GNB3: variants seen among roughly 807,000 people sequenced by gnomAD.
GNB3 encodes the protein G protein subunit beta 3, also known as guanine nucleotide-binding protein G(I)/G(S)/G(T) subunit beta-3.
Under a neutral mutation model 41.2 loss-of-function variants are expected in GNB3, and 33 were observed. The observed-to-expected ratio is 0.80, with a 90% CI of 0.61 to 1.07. The LOEUF (loss-of-function observed/expected upper bound fraction) is 1.07. Among genes scored for constraint, GNB3 ranks in the 50% least tolerant of loss-of-function variants. GNB3 has a pLI of 0.00. For synonymous variants in GNB3, 172 were observed against 173.4 expected, an observed-to-expected ratio of 0.99 and a Z score of 0.06; for missense variants, 409 against 455.3, an observed-to-expected ratio of 0.90 and a Z score of 0.92.
intron 8 of GNB3, chr12:6,844,693 T>G (rs1943648225): frequency 6.6e-6 from 1 of 152,238 alleles, no homozygotes; most frequent in South Asian, 2.1e-4. Context: ...AATATTGGGA[T>G]TACAGGCATG....
At chr12:6,844,877 G>A (rs1158297023) in intron 8 of GNB3, 8 of 152,082 alleles carry the variant, frequency 5.3e-5, no homozygotes, top group South Asian at 2.1e-4. Flanking sequence ...AGTACTTCCC[G>A]AAACAAAGCC....
Position 6,843,059 on chromosome 12 carries a change from C to T in GNB3, c.186C>T (p.His62=). 6.3e-7 allele frequency: 1 copy of T among 1,598,814 alleles called. No individual in the cohort carries two copies. Among genetic ancestry groups the T allele is most frequent in the South Asian group, 1.1e-5 (1 of 90,072 alleles). Residue 62 remains histidine, a synonymous_variant, in exon 4 of 10, where the codon CAC becomes CAT. Transcript: ENST00000229264. This position sits in a 1 kb window ranked among gnomAD's most constrained non-coding sequence, Gnocchi z 5.9. ...RGHLAKIYAM[H]WATDSKLLVS... Reference sequence around the variant, plus strand: ...ACCTGGCCAAGATTTACGCCATGCACTGGGCCACTGATTCTAAGTGAGGCT... The same window carrying T: ...ACCTGGCCAAGATTTACGCCATGCATTGGGCCACTGATTCTAAGTGAGGCT...
In GNB3 at chr12:6,841,320, GGAGCAGC is replaced by G; in HGVS notation, c.34_40del (p.Glu12SerfsTer24). The G allele has an allele frequency of 6.2e-7, 1 of 1,613,584 alleles. No individual in the cohort carries two copies. The highest frequency in any genetic ancestry group is 8.5e-7 in the Non-Finnish European group (1 of 1,179,750). On this transcript the variant is annotated frameshift_variant, in exon 2 of 10. Coordinates refer to ENST00000229264, the MANE Select transcript of GNB3 (RefSeq NM_002075.4). LOFTEE classifies it high-confidence loss of function. ...AGATGGAGCAACTGCGTCAGGAAGC[GGAGCAGC>G]TCAAGAAGCAGATTGCAGTAACTCC...
intron 8 of GNB3, among the ~76,000 whole-genome samples, 163 bp downstream of exon 8, chr12:6,844,141 G>A (rs1391077343): frequency 9.6e-5 from 11 of 114,626 alleles, no homozygotes; most frequent in South Asian, 2.8e-4. Context: ...TCACTTTGTC[G>A]CCCAGGCTGG....
chr12:6,843,314 T>C lies in GNB3; in HGVS notation c.268-49T>C. On this transcript the variant is annotated intron_variant, in intron 5 of 9. Coordinates refer to ENST00000229264, the MANE Select transcript of GNB3 (RefSeq NM_002075.4). This position sits in a 1 kb window ranked among gnomAD's most constrained non-coding sequence, Gnocchi z 5.9. ...CCATGCCTACCCTCCTGTGCCCAGCTGGGAGCTTGGCTCCGGTCCCATCTC... is the reference window on the plus strand; with the variant it reads ...CCATGCCTACCCTCCTGTGCCCAGCCGGGAGCTTGGCTCCGGTCCCATCTC... 1 of 1,611,258 alleles carries C rather than the reference T, an allele frequency of 6.2e-7. No individual in the cohort carries two copies. Among genetic ancestry groups the C allele is most frequent in the Non-Finnish European group, 8.5e-7 (1 of 1,177,458 alleles).
Position 6,843,166 on chromosome 12 carries a change from C to A in GNB3, c.204-8C>A. ...AGGCTTGCATGATATGGGATGCCCT[C>A]TCCCCAGGCTGCTGGTAAGTGCCTC... On this transcript the variant is annotated splice_polypyrimidine_tract_variant and splice_region_variant and intron_variant, in intron 4 of 9. Coordinates refer to ENST00000229264, the MANE Select transcript of GNB3 (RefSeq NM_002075.4). The surrounding 1 kb of genome is among the most constrained non-coding windows in gnomAD (Gnocchi z 5.9). The A allele has an allele frequency of 4.3e-6, 7 of 1,613,438 alleles. No individual in the cohort carries two copies. The highest frequency in any genetic ancestry group is 5.9e-6 in the Non-Finnish European group (7 of 1,179,444).
At chr12:6,845,998 C>G in intron 9 of GNB3, 196 bp downstream of exon 9, 1 of 588,096 alleles carries the variant, frequency 1.7e-6, no homozygotes, top group East Asian at 2.8e-5. Flanking sequence ...TTGCTCTAAG[C>G]AGCCTCTCTC....
rs1943567289 is a variant in GNB3 at position 6,841,220 on chromosome 12, TGGG to T, written c.-30-34_-30-32del. ...CACGAAGGGCAGAAGCACAGCCTGGTGGGGGGTTCCTCAACACCGACCCCATGT... is the reference window on the plus strand; with the variant it reads ...CACGAAGGGCAGAAGCACAGCCTGGTGGGTTCCTCAACACCGACCCCATGT... On this transcript the variant is annotated intron_variant, in intron 1 of 9. Transcript: ENST00000229264. The T allele has an allele frequency of 6.9e-6, 9 of 1,312,410 alleles. No homozygotes were observed. In the South Asian group the frequency reaches 9.9e-5, roughly 14 times the overall value. The allele number at this position is 1,312,410 out of a possible 1,614,324, so 81.3% of individuals were successfully genotyped here. A position where few individuals can be genotyped will look rare whatever the true frequency, so the allele number is the denominator to read the frequency against.
At chr12:6,841,507 A>G (rs1302267438) in intron 2 of GNB3, 79 bp from the exon 3 acceptor site, 14 of 1,327,888 alleles carry the variant, frequency 1.1e-5, no homozygotes, top group Non-Finnish European at 1.5e-5. Context: ...CAGAGCCCCA[A>G]GACCAACCTG....
intron 2 of GNB3, 34 bp from the exon 3 acceptor site, chr12:6,841,552 G>A (rs781985897): frequency 8.8e-6 from 14 of 1,596,990 alleles, no homozygotes; most frequent in East Asian, 2.2e-5. Flanking sequence ...CCCCCACCTC[G>A]CCCTTGCTCC....
rs782363697 is a variant in GNB3, at chr12:6,843,086, G to A, written c.203+10G>A. On this transcript the variant is annotated intron_variant, in intron 4 of 9. Transcript: ENST00000229264. This position sits in a 1 kb window ranked among gnomAD's most constrained non-coding sequence, Gnocchi z 5.9. Reference sequence around the variant, plus strand: ...GGGCCACTGATTCTAAGTGAGGCTTGGGGGGGAACCGAGAATGGGAGGGTG... The same window carrying A: ...GGGCCACTGATTCTAAGTGAGGCTTAGGGGGGAACCGAGAATGGGAGGGTG... The A allele has an allele frequency of 6.9e-6, 11 of 1,602,186 alleles. No individual in the cohort carries two copies. The highest frequency in any genetic ancestry group is 2.2e-5 in the East Asian group (1 of 44,652).
In GNB3 at chr12:6,841,008, C is replaced by G; in HGVS notation, c.-56C>G. 1 of 502,862 alleles carries G rather than the reference C, an allele frequency of 2.0e-6. No homozygotes were observed. 31.2% of individuals were successfully genotyped at this position (502,862 alleles called of 1,614,324 possible). A position where few individuals can be genotyped will look rare whatever the true frequency, so the allele number is the denominator to read the frequency against. Reference sequence around the variant, plus strand: ...GCTCCCAGGAACCGGAGCTGGAAACCCGGCCGAGGTCCAGCCAGAGCCCAA... The same window carrying G: ...GCTCCCAGGAACCGGAGCTGGAAACGCGGCCGAGGTCCAGCCAGAGCCCAA... On this transcript the variant is annotated 5_prime_UTR_variant, in exon 1 of 10. Transcript: ENST00000229264.
chr12:6,845,388 G>A (rs2301338), intron 8 of GNB3, 198 bp from the exon 9 acceptor site: 23,144 of 592,108 alleles, frequency 0.039, 2,241 homozygotes, highest in East Asian at 0.27. Flanking sequence ...AGTGCAGAGC[G>A]GGCGAGGGGC....
intron 3 of GNB3, chr12:6,841,985 C>A: frequency 2.6e-6 from 1 of 389,702 alleles, no homozygotes. Flanking sequence ...CATTTCTTCA[C>A]ATTTTGACAT....
At position 6,847,032 on chromosome 12, in the gene GNB3, G is replaced by A. The variant is rs1269138892; in HGVS notation, c.*134G>A. On this transcript the variant is annotated 3_prime_UTR_variant, in exon 10 of 10. Coordinates refer to ENST00000229264, the MANE Select transcript of GNB3 (RefSeq NM_002075.4). ...AAGCTTTCTCCTTTGAGGGCAGTGGGGAGCATGGGACTGTGCCTTTGGGAG... is the reference window on the plus strand; with the variant it reads ...AAGCTTTCTCCTTTGAGGGCAGTGGAGAGCATGGGACTGTGCCTTTGGGAG... 2 of 635,982 alleles carry A rather than the reference G, an allele frequency of 3.1e-6. No individual in the cohort carries two copies. The highest frequency in any genetic ancestry group is 5.7e-6 in the Non-Finnish European group (2 of 349,492). The allele number at this position is 635,982 out of a possible 1,614,324, so 39.4% of individuals were successfully genotyped here.
Position 6,843,083 on chromosome 12 carries a change from C to T in GNB3, c.203+7C>T, listed in dbSNP as rs370497432. The T allele has an allele frequency of 3.1e-6, 5 of 1,603,894 alleles. No homozygotes were observed. The highest frequency in any genetic ancestry group is 4.3e-6 in the Non-Finnish European group (5 of 1,171,822). Reference sequence around the variant, plus strand: ...ACTGGGCCACTGATTCTAAGTGAGGCTTGGGGGGGAACCGAGAATGGGAGG... The same window carrying T: ...ACTGGGCCACTGATTCTAAGTGAGGTTTGGGGGGGAACCGAGAATGGGAGG... On this transcript the variant is annotated splice_region_variant and intron_variant, in intron 4 of 9. Coordinates refer to ENST00000229264, the MANE Select transcript of GNB3 (RefSeq NM_002075.4). This position sits in a 1 kb window ranked among gnomAD's most constrained non-coding sequence, Gnocchi z 5.9.
intron 1 of GNB3, 66 bp from the exon 2 acceptor site, chr12:6,841,192 G>A (rs1591586076): frequency 3.1e-6 from 3 of 977,850 alleles, no homozygotes; most frequent in Non-Finnish European, 3.2e-6. Context: ...AGTCTGGTGT[G>A]GGCACGAAGG....
In GNB3 at chr12:6,843,989, C is replaced by A. The variant is rs782697687; in HGVS notation, c.699+11C>A. The A allele has an allele frequency of 3.1e-6, 5 of 1,592,410 alleles. No individual in the cohort carries two copies. Among genetic ancestry groups the A allele is most frequent in the Non-Finnish European group, 4.3e-6 (5 of 1,165,948 alleles). Reference sequence around the variant, plus strand: ...ATCAACGCCATCTGTGTGAGTGCACCCCCCACCCCAGCTTCACTCCAACTC... The same window carrying A: ...ATCAACGCCATCTGTGTGAGTGCACACCCCACCCCAGCTTCACTCCAACTC... On this transcript the variant is annotated intron_variant, in intron 8 of 9. Transcript: ENST00000229264. The surrounding 1 kb of genome is among the most constrained non-coding windows in gnomAD (Gnocchi z 5.9).
chr12:6,841,681 C>A (rs1164278930), intron 3 of GNB3, 57 bp downstream of exon 3: 84 of 1,313,424 alleles, frequency 6.4e-5, no homozygotes, highest in Non-Finnish European at 3.3e-6. Flanking sequence ...GGGAGCTCCC[C>A]GACCCGCAAT....
Sources: allele counts gnomAD v4.1 joint callset (sites outside exome capture counted in the v4.1 genomes callset), GRCh38; gene constraint gnomAD v4.1.1; non-coding constraint Gnocchi (gnomAD v3.1); transcripts MANE v1.5; gene names NCBI Gene and HGNC (gene_info 2026-07-23, HGNC 2026-07-21).